NHSL1: variants seen among roughly 807,000 people sequenced by gnomAD.
NHSL1 encodes the protein NHS-like protein 1.
In NHSL1, 48 loss-of-function variants were observed where a neutral mutation model predicts 95.0. That is an observed-to-expected ratio of 0.51 (90% confidence interval 0.40 to 0.64). The LOEUF is 0.64. Ranked by LOEUF, NHSL1 falls within the 30% of genes least tolerant of loss-of-function variation. The pLI is 0.00. For missense variants in NHSL1, 1,971 were observed against 2,077.7 expected, an observed-to-expected ratio of 0.95 and a Z score of 1.00; for synonymous variants, 783 against 833.9, an observed-to-expected ratio of 0.94 and a Z score of 1.05.
At chr6:138,463,014 G>A (rs1467559081) in intron 3 of NHSL1, among the ~76,000 whole-genome samples, 1 of 152,170 alleles carries the variant, frequency 6.6e-6, no homozygotes, top group East Asian at 1.9e-4. Context: ...TGAGATTCTA[G>A]AGAGACCAAG....
At chr6:138,547,719 C>T (rs1782856563), upstream of NHSL1, among the ~76,000 whole-genome samples, 1 of 152,138 alleles carries the variant, frequency 6.6e-6, no homozygotes, top group South Asian at 2.1e-4. Flanking sequence ...GAGGGAACCT[C>T]ATAGCTCATT....
rs772305131 is a variant in NHSL1, at chr6:138,464,415, C to T, written c.339+8891G>A. ...TGAAGACAGGTCAGGGCAGGAAGGC[C>T]GAGGATGGGAGCGCTGCAGAAGACA... On this transcript the variant is annotated intron_variant, in intron 3 of 7. Coordinates refer to ENST00000343505, the MANE Select transcript of NHSL1 (RefSeq NM_001144060.2). 10 of 358,242 alleles carry T rather than the reference C, an allele frequency of 2.8e-5. No individual in the cohort carries two copies. In the East Asian group the frequency reaches 3.6e-4, roughly 13 times the overall value. 22.2% of individuals were successfully genotyped at this position (358,242 alleles called of 1,614,324 possible).
intron 1 of NHSL1, among the ~76,000 whole-genome samples, chr6:138,559,291 G>C (rs1783323427): frequency 6.6e-6 from 1 of 152,174 alleles, no homozygotes. Flanking sequence ...CTTTCCCTAG[G>C]GCCAGTGAGC....
intron 1 of NHSL1, among the ~76,000 whole-genome samples, chr6:138,521,004 C>A (rs1781656964): frequency 6.6e-6 from 1 of 152,184 alleles, no homozygotes; most frequent in South Asian, 2.1e-4. Flanking sequence ...GTGGGGCCCT[C>A]ATACAGGTAT....
chr6:138,543,887 G>A (rs1005582722), intron 1 of NHSL1, among the ~76,000 whole-genome samples: 5 of 152,110 alleles, frequency 3.3e-5, no homozygotes, highest in Admixed American at 2.6e-4. Context: ...GCTTTAAAAG[G>A]GTGCGATTGT....
chr6:138,535,842 T>C (rs1185185904), intron 1 of NHSL1, among the ~76,000 whole-genome samples: 1 of 152,214 alleles, frequency 6.6e-6, no homozygotes, highest in Non-Finnish European at 1.5e-5. Flanking sequence ...CTAGGAATTA[T>C]CGTAAACTGA....
rs1429113065 is a variant in NHSL1, at chr6:138,424,725, C to T, written c.4177G>A (p.Ala1393Thr). Residue 1393 changes from alanine to threonine, a missense_variant, in exon 8 of 8, where the codon GCC (alanine) becomes ACC (threonine). Transcript: ENST00000343505. This position sits in a 1 kb window ranked among gnomAD's most constrained non-coding sequence, Gnocchi z 5.9. ...TGCTTTGGAGAGGCCAGGCTTGGGG[C>T]AGCGCCGGTGGGTGTCACGGGCGGG... ...PSPPVTPTGA[A>T]PSLASPKQVG... is the part of the protein sequence containing the mutation. 1 of 1,551,560 alleles carries T rather than the reference C, an allele frequency of 6.4e-7. No individual in the cohort carries two copies. The highest frequency in any genetic ancestry group is 8.7e-7 in the Non-Finnish European group (1 of 1,146,962).
chr6:138,484,742 C>CCAAAA (rs1023683151), intron 2 of NHSL1, among the ~76,000 whole-genome samples: 10 of 152,150 alleles, frequency 6.6e-5, no homozygotes, highest in African/African-American at 1.7e-4. Flanking sequence ...TTAAAACCTC[C>CCAAAA]CAAAACAAAA....
At chr6:138,653,839 ATG>A (rs1785123051) in intron 1 of NHSL1, among the ~76,000 whole-genome samples, 1 of 152,208 alleles carries the variant, frequency 6.6e-6, no homozygotes, top group African/African-American at 2.4e-5. Context: ...TTCACGAAAC[ATG>A]TCTTACCCTT....
chr6:138,684,152 C>T (rs1785551511), intron 1 of NHSL1, among the ~76,000 whole-genome samples: 1 of 149,226 alleles, frequency 6.7e-6, no homozygotes, highest in Non-Finnish European at 1.5e-5. Flanking sequence ...GCAGAGGTTG[C>T]AGTGAGCCGA....
chr6:138,661,619 GC>G (rs1379629511), intron 1 of NHSL1, among the ~76,000 whole-genome samples: 1 of 151,450 alleles, frequency 6.6e-6, no homozygotes, highest in Non-Finnish European at 1.5e-5. Flanking sequence ...CCATGATTGT[GC>G]CACTGCCCTC....
At chr6:138,670,615 G>A (rs1444020893) in intron 1 of NHSL1, among the ~76,000 whole-genome samples, 4 of 136,488 alleles carry the variant, frequency 2.9e-5, no homozygotes, top group East Asian at 2.2e-4. Flanking sequence ...GCAGTGAGCC[G>A]AGATCCCGCC....
intron 1 of NHSL1, among the ~76,000 whole-genome samples, chr6:138,553,217 T>G (rs1440562873): frequency 2.0e-5 from 3 of 152,206 alleles, no homozygotes; most frequent in Non-Finnish European, 4.4e-5. Context: ...AGTGACCCCC[T>G]TGGTAAGCTC....
chr6:138,437,313 TATATATACACAC>T (rs1776181925), intron 5 of NHSL1, among the ~76,000 whole-genome samples: 1 of 119,824 alleles, frequency 8.3e-6, no homozygotes, highest in African/African-American at 3.8e-5. Flanking sequence ...TATATATATA[TATATATACACAC>T]ACACATATAT....
chr6:138,485,068 G>T (rs1281736716), intron 2 of NHSL1, among the ~76,000 whole-genome samples: 2 of 152,110 alleles, frequency 1.3e-5, no homozygotes, highest in African/African-American at 4.8e-5. Flanking sequence ...CAAATTGGAG[G>T]CGATCTCATT....
chr6:138,662,855 A>G (rs549316245), intron 1 of NHSL1, among the ~76,000 whole-genome samples: 10 of 152,268 alleles, frequency 6.6e-5, no homozygotes, highest in African/African-American at 2.4e-4. Flanking sequence ...TTGTAAGAAC[A>G]CACTTCAACT....
rs565406624 is a variant in NHSL1 at position 138,638,249 on chromosome 6, T to TA, written c.96+54226dup. Among the ~76,000 whole-genome samples the TA allele has an allele frequency of 1.8e-4, 27 of 152,100 alleles. No individual in the cohort carries two copies. The South Asian group carries it at 4.2e-3, about 23-fold the overall frequency. On this transcript the variant is annotated intron_variant, in intron 1 of 3. Transcript: ENST00000491526. ...GTGGGTGGGTGATGGTTAATAGGTATAAAAAAATAGAAAGAATAAGACATA... is the reference window on the plus strand; with the variant it reads ...GTGGGTGGGTGATGGTTAATAGGTATAAAAAAAATAGAAAGAATAAGACATA...
chr6:138,491,791 G>A (rs1780092950), intron 2 of NHSL1, among the ~76,000 whole-genome samples: 1 of 152,014 alleles, frequency 6.6e-6, no homozygotes, highest in Non-Finnish European at 1.5e-5. Context: ...TTCCGATTTG[G>A]GTTTTTTTCT....
At chr6:138,572,015 T>TA in exon 1 of NHSL1, 3 of 852,506 alleles carry the variant, frequency 3.5e-6, no homozygotes, top group Non-Finnish European at 3.6e-6. Context: ...GTTTCCCTCT[T>TA]AGACAACGCT....
Sources: allele counts gnomAD v4.1 joint callset (sites outside exome capture counted in the v4.1 genomes callset), GRCh38; gene constraint gnomAD v4.1.1; non-coding constraint Gnocchi (gnomAD v3.1); transcripts MANE v1.5; gene names NCBI Gene and HGNC (gene_info 2026-07-23, HGNC 2026-07-21).